PCDHA2: variants seen among roughly 807,000 people sequenced by gnomAD.
The protein encoded by PCDHA2 is protocadherin alpha 2, also known as protocadherin alpha-2.
Under a neutral mutation model 66.0 loss-of-function variants are expected in PCDHA2, and 58 were observed. The ratio of observed to expected loss-of-function variants is 0.88; its 90% CI spans 0.71 to 1.09. PCDHA2 has a LOEUF of 1.09. PCDHA2 is among the 50% of genes least tolerant of loss of function. The pLI, the probability that PCDHA2 is intolerant of heterozygous loss-of-function variation, is 0.00. For missense variants in PCDHA2, 1,267 were observed against 1,242.3 expected (o/e 1.02, Z -0.30); for synonymous variants, 634 against 554.0 (o/e 1.14, Z -2.03).
At chr5:140,979,051 G>T (rs1554240209) in intron 2 of PCDHA2, 44 bp downstream of exon 2, 1 of 1,609,534 alleles carries the variant, frequency 6.2e-7, no homozygotes, top group South Asian at 1.1e-5. Flanking sequence ...ACCTTAACTT[G>T]GTATGGCTCA....
intron 1 of PCDHA2, chr5:140,928,746 C>G (rs782813323): frequency 1.2e-6 from 2 of 1,614,012 alleles, no homozygotes; most frequent in Non-Finnish European, 1.7e-6. Flanking sequence ...TAGGTGAGCT[C>G]CGTACTGCTC....
Position 140,871,201 on chromosome 5 carries a change from A to G in PCDHA2, c.2388+73849A>G, listed in dbSNP as rs561860727. ...GCTGGTGGATGTCAACGTGTACCTGATCATCGCCATCTGCGTGGTGTCCAG... is the reference window on the plus strand; with the variant it reads ...GCTGGTGGATGTCAACGTGTACCTGGTCATCGCCATCTGCGTGGTGTCCAG... On this transcript the variant is annotated intron_variant, in intron 1 of 3. Coordinates refer to ENST00000526136, the MANE Select transcript of PCDHA2 (RefSeq NM_018905.3). The G allele has an allele frequency of 3.3e-5, 54 of 1,613,672 alleles. 1 individual carries two copies. The Admixed American group carries it at 7.2e-4, about 21-fold the overall frequency.
intron 1 of PCDHA2, chr5:140,842,054 T>A (rs1461509081): frequency 6.2e-7 from 1 of 1,613,638 alleles, no homozygotes; most frequent in Non-Finnish European, 8.5e-7. Context: ...TTTCGAACAG[T>A]CTGAATACGA....
At position 140,797,345 on chromosome 5, in the gene PCDHA2, T is replaced by C. The variant is rs1554120415; in HGVS notation, c.2381T>C (p.Val794Ala). 1.2e-6 allele frequency: 2 copies of C among 1,613,930 alleles called. No homozygotes were observed. Among genetic ancestry groups the C allele is most frequent in the Admixed American group, 1.7e-5 (1 of 60,020 alleles). The change falls in exon 1 of 4, where the codon GTA becomes GCA. Residue 794 changes from valine (V) to alanine (A), a missense_variant. Val to Ala is a moderately conservative substitution (Grantham distance 64). Coordinates refer to ENST00000526136, the MANE Select transcript of PCDHA2 (RefSeq NM_018905.3). The stretch of plus-strand genomic sequence containing the variant: ...AAACAGCTCTCAGAATCAGAATACG[T>C]AGGAAAGGTGAGTCTTTTACTTTTT... ...EEKQLSESEY[V>A]GKPRQPNPDW... is the part of the protein sequence containing the mutation.
chr5:140,821,984 G>A (rs1554128362), intron 1 of PCDHA2: 10 of 1,614,134 alleles, frequency 6.2e-6, no homozygotes, highest in South Asian at 3.3e-5. Flanking sequence ...TCCAAGGGCC[G>A]CGGGGACCTT....
In PCDHA2 at chr5:140,834,331, T is replaced by C. The variant is rs2150215321; in HGVS notation, c.2388+36979T>C. ...TGAAATGAAGGGATAAAAACATTCC[T>C]ATAAATTCGAAGGCAAGTTTTGCTG... On this transcript the variant is annotated intron_variant, in intron 1 of 3. Coordinates refer to ENST00000526136, the MANE Select transcript of PCDHA2 (RefSeq NM_018905.3). 119 of 1,480,242 alleles carry C rather than the reference T, an allele frequency of 8.0e-5. No individual in the cohort carries two copies. In the African/African-American group the frequency reaches 9.8e-4, roughly 12 times the overall value. The allele number at this position is 1,480,242 out of a possible 1,614,324, so 91.7% of individuals were successfully genotyped here. A position where few individuals can be genotyped will look rare whatever the true frequency, so the allele number is the denominator to read the frequency against.
chr5:141,010,432 CAA>C lies in PCDHA2; in HGVS notation c.*497_*498del. The C allele has an allele frequency of 8.5e-6, 9 of 1,056,970 alleles. No individual in the cohort carries two copies. The highest frequency in any genetic ancestry group is 1.2e-5 in the Non-Finnish European group (9 of 756,282). 65.5% of individuals were successfully genotyped at this position (1,056,970 alleles called of 1,614,324 possible). A position where few individuals can be genotyped will look rare whatever the true frequency, so the allele number is the denominator to read the frequency against. On this transcript the variant is annotated 3_prime_UTR_variant, in exon 4 of 4. Coordinates refer to ENST00000526136, the MANE Select transcript of PCDHA2 (RefSeq NM_018905.3). Reference sequence around the variant, plus strand: ...AATTGGTACAAGGAAGGCAAGAAAACAAAGACAAATAAACAGCGGAAGTTATC... The same window carrying C: ...AATTGGTACAAGGAAGGCAAGAAAACAGACAAATAAACAGCGGAAGTTATC...
At position 140,801,485 on chromosome 5, in the gene PCDHA2, C is replaced by A. The variant is rs529252017; in HGVS notation, c.2388+4133C>A. 4 of 1,614,078 alleles carry A rather than the reference C, an allele frequency of 2.5e-6. No individual in the cohort carries two copies. In the Admixed American group the frequency reaches 6.7e-5, roughly 27 times the overall value. ...CTCGGATAGACCGCGAGGAACTGTG[C>A]GGGCGGAGCGCGGAGTGCAGCATCC... On this transcript the variant is annotated intron_variant, in intron 1 of 3. Transcript: ENST00000526136.
At chr5:140,809,291 A>G (rs782054971) in intron 1 of PCDHA2, 3 of 1,613,936 alleles carry the variant, frequency 1.9e-6, no homozygotes, top group African/African-American at 1.3e-5. Context: ...ATACCTGATC[A>G]TTGCCATCTG....
intron 3 of PCDHA2, among the ~76,000 whole-genome samples, chr5:140,991,829 G>A (rs530610195): frequency 3.3e-5 from 5 of 152,196 alleles, no homozygotes; most frequent in South Asian, 2.1e-4. Flanking sequence ...CATTTATAAC[G>A]GCAGAACCGC....
At chr5:140,867,783 G>A (rs1426151534) in intron 1 of PCDHA2, 1 of 152,002 alleles carries the variant, frequency 6.6e-6, no homozygotes, top group Non-Finnish European at 1.5e-5. Flanking sequence ...AGCAATTCCT[G>A]TATTTTACTT....
At chr5:140,849,620 C>A (rs2040998983) in intron 1 of PCDHA2, 1 of 1,598,622 alleles carries the variant, frequency 6.3e-7, no homozygotes, top group Non-Finnish European at 8.6e-7. Context: ...TTAGTGTGAT[C>A]GACCTAGACG....
intron 1 of PCDHA2, among the ~76,000 whole-genome samples, chr5:140,964,622 T>A (rs1435749865): frequency 6.6e-6 from 1 of 152,048 alleles, no homozygotes; most frequent in African/African-American, 2.4e-5. Flanking sequence ...ATTCCACTTA[T>A]AAGCCATTTA....
chr5:140,979,306 C>T (rs1554240481), intron 2 of PCDHA2, among the ~76,000 whole-genome samples: 1 of 152,206 alleles, frequency 6.6e-6, no homozygotes, highest in African/African-American at 2.4e-5. Context: ...CTTCATCCCT[C>T]TCTACCTATG....
chr5:140,829,152 C>T lies in PCDHA2; in HGVS notation c.2388+31800C>T. ...AACGTCCCTGAGATAGCACTGACTT[C>T]CTTATCCTTGCCTGTACGTGAAGAC... is the stretch of plus-strand genomic sequence containing the variant. On this transcript the variant is annotated intron_variant, in intron 1 of 3. Coordinates refer to ENST00000526136, the MANE Select transcript of PCDHA2 (RefSeq NM_018905.3). 1 of 1,613,972 alleles carries T rather than the reference C, an allele frequency of 6.2e-7. No homozygotes were observed. Among genetic ancestry groups the T allele is most frequent in the Non-Finnish European group, 8.5e-7 (1 of 1,179,830 alleles).
At chr5:140,884,260 G>C (rs781862611) in intron 1 of PCDHA2, 1 of 1,613,410 alleles carries the variant, frequency 6.2e-7, no homozygotes, top group Admixed American at 1.7e-5. Flanking sequence ...CCACGGCAAC[G>C]GTGCTGTTGT....
At chr5:140,809,394 A>G in intron 1 of PCDHA2, 18 of 1,614,068 alleles carry the variant, frequency 1.1e-5, no homozygotes, top group Non-Finnish European at 1.5e-5. Flanking sequence ...GCTCCGGGCA[A>G]GCCCACGCTG....
rs1160932490 is a variant in PCDHA2 at position 140,857,948 on chromosome 5, C to A, written c.2388+60596C>A. 4.4e-6 allele frequency: 7 copies of A among 1,597,438 alleles called. 1 individual carries two copies. Among genetic ancestry groups the A allele is most frequent in the Non-Finnish European group, 6.0e-6 (7 of 1,167,420 alleles). On this transcript the variant is annotated intron_variant, in intron 1 of 3. Transcript: ENST00000526136. ...GTACACGGGCGAGATCAGTACGACG[C>A]GCGCTCTGGATGAGACTGACTCGCC...
At chr5:140,877,710 G>T in intron 1 of PCDHA2, 1 of 1,614,098 alleles carries the variant, frequency 6.2e-7, no homozygotes, top group Non-Finnish European at 8.5e-7. Context: ...GCGCCGTGGG[G>T]AGTTGGTCTT....
Sources: gnomAD v4.1 joint callset for allele counts (sites outside exome capture counted in the v4.1 genomes callset) on GRCh38, gnomAD v4.1.1 for gene constraint, MANE v1.5 for transcripts, NCBI Gene and HGNC (gene_info 2026-07-23, HGNC 2026-07-21) for gene names.